Variants in EPN1 observed in about 807,000 individuals in gnomAD.
The protein encoded by EPN1 is epsin-1.
In EPN1, 25 loss-of-function variants were observed where a neutral mutation model predicts 56.9. The observed-to-expected ratio is 0.44, with a 90% CI of 0.32 to 0.61. The LOEUF (loss-of-function observed/expected upper bound fraction) is 0.61, where lower values mean the gene tolerates loss of function less well. EPN1 is among the 20% of genes least tolerant of loss of function. The pLI, the probability that EPN1 is intolerant of heterozygous loss-of-function variation, is 0.05. For missense variants in EPN1, 785 were observed against 823.7 expected (o/e 0.95, Z 0.58); for synonymous variants, 411 against 361.8 (o/e 1.14, Z -1.54).
At chr19:55,690,068 G>A in intron 6 of EPN1, 118 bp downstream of exon 6, 2 of 1,017,214 alleles carry the variant, frequency 2.0e-6, no homozygotes, top group South Asian at 1.6e-5. Context: ...CTGGAGCTGG[G>A]CACCGGGTTT....
chr19:55,689,462 C>G lies in EPN1; in HGVS notation c.678+91C>G. 2 of 985,006 alleles carry G rather than the reference C, an allele frequency of 2.0e-6. No homozygotes were observed. The highest frequency in any genetic ancestry group is 3.1e-6 in the Non-Finnish European group (2 of 639,758). 61.0% of individuals were successfully genotyped at this position (985,006 alleles called of 1,614,324 possible). A position where few individuals can be genotyped will look rare whatever the true frequency, so the allele number is the denominator to read the frequency against. ...TCCTAAGTCACCCCCCACCATCCTG[C>G]TGGGCCCGAAGCCCACAGGCTCACG... On this transcript the variant is annotated intron_variant, in intron 5 of 10. Coordinates refer to ENST00000270460, the MANE Select transcript of EPN1 (RefSeq NM_001130072.2). The surrounding 1 kb of genome is among the most constrained non-coding windows in gnomAD (Gnocchi z 5.7).
chr19:55,676,070 T>A (rs914974468), intron 1 of EPN1, among the ~76,000 whole-genome samples: 7 of 152,220 alleles, frequency 4.6e-5, no homozygotes, highest in Admixed American at 1.3e-4. Context: ...AGTCTCTGTG[T>A]CAAAACCTCA....
Position 55,689,426 on chromosome 19 carries a change from C to T in EPN1, c.678+55C>T. The T allele has an allele frequency of 7.2e-7, 1 of 1,387,600 alleles. No individual in the cohort carries two copies. Among genetic ancestry groups the T allele is most frequent in the Non-Finnish European group, 1.0e-6 (1 of 999,280 alleles). 86.0% of individuals were successfully genotyped at this position (1,387,600 alleles called of 1,614,324 possible). On this transcript the variant is annotated intron_variant, in intron 5 of 10. Coordinates refer to ENST00000270460, the MANE Select transcript of EPN1 (RefSeq NM_001130072.2). The surrounding 1 kb of genome is among the most constrained non-coding windows in gnomAD (Gnocchi z 5.7). Reference sequence around the variant, plus strand: ...GCCAGGGGCTCCCCTCAGACCAGCCCCGTCGCCCCTTCCTAAGTCACCCCC... The same window carrying T: ...GCCAGGGGCTCCCCTCAGACCAGCCTCGTCGCCCCTTCCTAAGTCACCCCC...
In EPN1 at chr19:55,696,230, G is replaced by C. The variant is rs1336655816; in HGVS notation, c.*874G>C. ...CCGGCTGAGCTGAGTGGACCACCAG[G>C]CGCCTCCTGGTTGTCCTCTGTGTGC... On this transcript the variant is annotated 3_prime_UTR_variant, in exon 11 of 11. Transcript: ENST00000270460. 2 of 152,406 alleles carry C rather than the reference G, an allele frequency of 1.3e-5. No homozygotes were observed. Among genetic ancestry groups the C allele is most frequent in the East Asian group, 3.9e-4 (2 of 5,186 alleles). The allele number at this position is 152,406 out of a possible 1,614,324, so 9.4% of individuals were successfully genotyped here.
rs757535750 is a variant in EPN1 at position 55,695,213 on chromosome 19, C to G, written c.1588C>G (p.Leu530Val). The G allele has an allele frequency of 1.2e-6, 2 of 1,613,526 alleles. No individual in the cohort carries two copies. The highest frequency in any genetic ancestry group is 2.2e-5 in the South Asian group (2 of 91,082). The change falls in exon 11 of 11, where the codon CTG becomes GTG. Residue 530 changes from leucine to valine, a missense_variant. By Grantham distance (32) the Leu-to-Val change is conservative. Transcript: ENST00000270460. The surrounding 1 kb of genome is among the most constrained non-coding windows in gnomAD (Gnocchi z 4.4). ...GCCCGCGCCTCCCGCGACGCTCACC[C>G]TGAACCAGCTCCGTCTCAGTCCTGT... ...FQPAPPATLT[L>V]NQLRLSPVPP...
At chr19:55,679,732 G>C (rs1403906888) in intron 2 of EPN1, among the ~76,000 whole-genome samples, 4 of 152,198 alleles carry the variant, frequency 2.6e-5, no homozygotes, top group Admixed American at 6.5e-5. Context: ...CTTACACATG[G>C]GAGCAGGGGT....
At chr19:55,680,309 C>G (rs535330153) in intron 2 of EPN1, among the ~76,000 whole-genome samples, 67 of 152,304 alleles carry the variant, frequency 4.4e-4, no homozygotes, top group African/African-American at 1.5e-3. Context: ...CAAGACCTCC[C>G]CTATGGTTTT....
intron 1 of EPN1, chr19:55,676,485 C>T (rs144646281): frequency 2.0e-5 from 3 of 152,200 alleles, no homozygotes; most frequent in African/African-American, 2.4e-5. Context: ...CCTTTTCTGC[C>T]GCCACCCTTT....
In EPN1 at chr19:55,689,280, C is replaced by G. The variant is rs770132295; in HGVS notation, c.604-17C>G. On this transcript the variant is annotated splice_polypyrimidine_tract_variant and intron_variant, in intron 4 of 10. Transcript: ENST00000270460. This position sits in a 1 kb window ranked among gnomAD's most constrained non-coding sequence, Gnocchi z 5.7. ...CTGGCCCCTCCCGTCATGCCCCTCA[C>G]ACTCTCTCTCCCCCAGCCCCCGTCC... is the stretch of plus-strand genomic sequence containing the variant. 6 of 1,539,656 alleles carry G rather than the reference C, an allele frequency of 3.9e-6. No homozygotes were observed. The highest frequency in any genetic ancestry group is 5.3e-6 in the Non-Finnish European group (6 of 1,136,512).
chr19:55,678,187 G>A (rs920932977), intron 1 of EPN1, among the ~76,000 whole-genome samples: 1 of 152,162 alleles, frequency 6.6e-6, no homozygotes, highest in Non-Finnish European at 1.5e-5. Flanking sequence ...TTTACAGGGC[G>A]TCAGTTCTCT....
intron 2 of EPN1, among the ~76,000 whole-genome samples, chr19:55,679,792 G>T (rs1314514474): frequency 6.6e-6 from 1 of 152,236 alleles, no homozygotes; most frequent in African/African-American, 2.4e-5. Context: ...GACACACCAG[G>T]ATTGGGTTGA....
rs1985306748 is a variant in EPN1 at position 55,675,239 on chromosome 19, T to G, written c.-298T>G. 6.6e-6 allele frequency: 1 copy of G among 151,752 alleles called. No individual in the cohort carries two copies. Among genetic ancestry groups the G allele is most frequent in the Non-Finnish European group, 1.5e-5 (1 of 67,900 alleles). The allele number at this position is 151,752 out of a possible 1,614,324, so 9.4% of individuals were successfully genotyped here. Reference sequence around the variant, plus strand: ...CGTCGCCTCCTTCTGTTGCTTCCCGTCTCCTCGGCGGCTCCCCTCCCCCGC... The same window carrying G: ...CGTCGCCTCCTTCTGTTGCTTCCCGGCTCCTCGGCGGCTCCCCTCCCCCGC... On this transcript the variant is annotated 5_prime_UTR_variant, in exon 1 of 11. Coordinates refer to ENST00000270460, the MANE Select transcript of EPN1 (RefSeq NM_001130072.2).
At position 55,699,240 on chromosome 19, in the gene EPN1, T is replaced by C. The variant is rs543760171; in HGVS notation, c.*3884T>C. 1 of 152,202 alleles carries C rather than the reference T, an allele frequency of 6.6e-6. No homozygotes were observed. Among genetic ancestry groups the C allele is most frequent in the African/African-American group, 2.4e-5 (1 of 41,522 alleles). 9.4% of individuals were successfully genotyped at this position (152,202 alleles called of 1,614,324 possible). A position where few individuals can be genotyped will look rare whatever the true frequency, so the allele number is the denominator to read the frequency against. ...GGCCCTTAGTTTGTGCTGCTCTGCG[T>C]TGGTTTTCTGCGTGTGCTAAAAGGG... On this transcript the variant is annotated 3_prime_UTR_variant, in exon 11 of 11. Transcript: ENST00000270460.
intron 3 of EPN1, 108 bp downstream of exon 3, chr19:55,685,753 G>A (rs916110251): frequency 1.0e-5 from 14 of 1,402,826 alleles, no homozygotes; most frequent in East Asian, 7.5e-5. Context: ...GAGGGACCGC[G>A]GCATCCCCCT....
chr19:55,695,658 T>C lies in EPN1; in HGVS notation c.*302T>C, dbSNP rs955126340. The C allele has an allele frequency of 1.9e-5, 8 of 421,246 alleles. No homozygotes were observed. The highest frequency in any genetic ancestry group is 1.7e-4 in the African/African-American group (8 of 48,228). 26.1% of individuals were successfully genotyped at this position (421,246 alleles called of 1,614,324 possible). On this transcript the variant is annotated 3_prime_UTR_variant, in exon 11 of 11. Transcript: ENST00000270460. This position sits in a 1 kb window ranked among gnomAD's most constrained non-coding sequence, Gnocchi z 4.4. ...CTCCAAACTCCCAACCCCCAGTCAG[T>C]GTTTGAGCCTCCTCGTTCCCCTCAC...
chr19:55,690,005 T>C lies in EPN1; in HGVS notation c.762+55T>C. 2.7e-6 allele frequency: 4 copies of C among 1,486,834 alleles called. No homozygotes were observed. The South Asian group carries it at 5.1e-5, about 19-fold the overall frequency. The allele number at this position is 1,486,834 out of a possible 1,614,324, so 92.1% of individuals were successfully genotyped here. ...CCCCTGCAGGTGTCCGTCCGTCCCATCGCTCATTCCTGCGTGGCCAGGTCC... is the reference window on the plus strand; with the variant it reads ...CCCCTGCAGGTGTCCGTCCGTCCCACCGCTCATTCCTGCGTGGCCAGGTCC... On this transcript the variant is annotated intron_variant, in intron 6 of 10. Transcript: ENST00000270460.
At position 55,700,095 on chromosome 19, in the gene EPN1, G is replaced by A. The variant is rs1987071544; in HGVS notation, c.*4739G>A. 6.6e-6 allele frequency: 1 copy of A among 151,582 alleles called. No homozygotes were observed. 9.4% of individuals were successfully genotyped at this position (151,582 alleles called of 1,614,324 possible). ...ACCACCATGCCCAGCTAATTTTTTT[G>A]TATTTTTTTAGTAGAGACGGGGTTT... On this transcript the variant is annotated 3_prime_UTR_variant, in exon 11 of 11. Transcript: ENST00000270460.
intron 3 of EPN1, among the ~76,000 whole-genome samples, chr19:55,687,844 A>G (rs1230988107): frequency 6.6e-6 from 1 of 151,738 alleles, no homozygotes; most frequent in Non-Finnish European, 1.5e-5. Context: ...GGCACACCAC[A>G]CGGGGGCCAG....
intron 7 of EPN1, 51 bp from the exon 8 acceptor site, chr19:55,692,635 A>C (rs1485476107): frequency 3.1e-6 from 4 of 1,270,180 alleles, no homozygotes; most frequent in Non-Finnish European, 3.2e-6. Flanking sequence ...CTCCCTAGCC[A>C]TCTGGGCAGT....
Sources: gnomAD v4.1 joint callset for allele counts (sites outside exome capture counted in the v4.1 genomes callset) on GRCh38, gnomAD v4.1.1 for gene constraint, Gnocchi (gnomAD v3.1) non-coding constraint, MANE v1.5 for transcripts, NCBI Gene and HGNC (gene_info 2026-07-23, HGNC 2026-07-21) for gene names.